LSAMP: variants seen among roughly 807,000 people sequenced by gnomAD.
The protein encoded by LSAMP is limbic system associated membrane protein.
In LSAMP, 7 loss-of-function variants were observed where a neutral mutation model predicts 38.6. The observed-to-expected ratio is 0.18, with a 90% confidence interval of 0.10 to 0.34. The LOEUF is 0.34. LSAMP is among the 10% of genes least tolerant of loss of function. The probability of loss-of-function intolerance (pLI) is 1.00; values close to 1 mark genes in which losing one functional copy is unlikely to be tolerated. For synonymous variants in LSAMP, 154 were observed against 166.8 expected (o/e 0.92, Z 0.59); for missense variants, 313 against 420.0 (o/e 0.75, Z 2.23).
intron 1 of LSAMP, among the ~76,000 whole-genome samples, chr3:116,199,694 C>T (rs939977958): frequency 6.6e-6 from 1 of 152,064 alleles, no homozygotes; most frequent in Non-Finnish European, 1.5e-5. Flanking sequence ...TGTTAGAGAG[C>T]AGTCAAGTAG....
intron 3 of LSAMP, among the ~76,000 whole-genome samples, chr3:115,958,012 C>G (rs1938505336): frequency 6.6e-6 from 1 of 152,066 alleles, no homozygotes; most frequent in African/African-American, 2.4e-5. Context: ...CCACTCTTGT[C>G]AGGAATGTAG....
At chr3:116,045,716 A>G (rs1941275983) in intron 2 of LSAMP, among the ~76,000 whole-genome samples, 1 of 152,182 alleles carries the variant, frequency 6.6e-6, no homozygotes, top group Non-Finnish European at 1.5e-5. Context: ...TAATGATTAT[A>G]TGCCTATCAT....
chr3:116,051,198 A>C (rs1252321723), intron 2 of LSAMP: 1 of 152,200 alleles, frequency 6.6e-6, no homozygotes, highest in Non-Finnish European at 1.5e-5. Flanking sequence ...CCGGCCCAGG[A>C]GCAGCAAGGT....
At chr3:116,104,127 A>G (rs1708410061) in intron 1 of LSAMP, among the ~76,000 whole-genome samples, 1 of 152,150 alleles carries the variant, frequency 6.6e-6, no homozygotes, top group Admixed American at 6.5e-5. Flanking sequence ...CCCACCCAGA[A>G]CTCAGTATGA....
chr3:116,367,362 C>T (rs1434402733), intron 1 of LSAMP, among the ~76,000 whole-genome samples: 2 of 152,110 alleles, frequency 1.3e-5, no homozygotes, highest in Non-Finnish European at 2.9e-5. Context: ...ATAAATCCCA[C>T]TTGAATCACA....
At chr3:115,854,437 T>G (rs1038174396) in intron 3 of LSAMP, among the ~76,000 whole-genome samples, 1 of 151,300 alleles carries the variant, frequency 6.6e-6, no homozygotes, top group Non-Finnish European at 1.5e-5. Flanking sequence ...CGCCCGCCAC[T>G]GCGCCCGGCT....
At chr3:115,960,052 C>G (rs1368668220) in intron 3 of LSAMP, among the ~76,000 whole-genome samples, 1 of 152,072 alleles carries the variant, frequency 6.6e-6, no homozygotes, top group East Asian at 1.9e-4. Flanking sequence ...AGATTTGTGT[C>G]CCTTACTCTT....
At chr3:116,356,966 T>G (rs533624359) in intron 1 of LSAMP, among the ~76,000 whole-genome samples, 1 of 152,250 alleles carries the variant, frequency 6.6e-6, no homozygotes, top group East Asian at 1.9e-4. Context: ...GCTAATTTTT[T>G]GTATTTTTAG....
At chr3:116,269,076 T>C (rs891630733) in intron 1 of LSAMP, among the ~76,000 whole-genome samples, 2 of 152,024 alleles carry the variant, frequency 1.3e-5, no homozygotes, top group Non-Finnish European at 2.9e-5. Flanking sequence ...AGTCCACCCA[T>C]TCCTTTTTCA....
chr3:115,812,672 A>G (rs1026876917), intron 6 of LSAMP, among the ~76,000 whole-genome samples: 1 of 152,220 alleles, frequency 6.6e-6, no homozygotes, highest in Non-Finnish European at 1.5e-5. Flanking sequence ...GAGAAAAACT[A>G]CACAAAAATT....
chr3:116,006,291 G>T (rs1940158342), intron 3 of LSAMP, among the ~76,000 whole-genome samples: 1 of 152,082 alleles, frequency 6.6e-6, no homozygotes, highest in Non-Finnish European at 1.5e-5. Context: ...GTCATGGGAG[G>T]ATCTAGGAAA....
chr3:116,237,020 GAAAT>G (rs1165392626), intron 1 of LSAMP, among the ~76,000 whole-genome samples: 9 of 151,442 alleles, frequency 5.9e-5, no homozygotes, highest in African/African-American at 1.9e-4. Context: ...CATAATGTTT[GAAAT>G]AAATCATTTC....
At chr3:116,440,672 A>C (rs2049421110) in intron 1 of LSAMP, among the ~76,000 whole-genome samples, 1 of 152,236 alleles carries the variant, frequency 6.6e-6, no homozygotes, top group South Asian at 2.1e-4. Context: ...AATATGCCAT[A>C]TTCCTAGATG....
chr3:116,434,696 C>A (rs551028991), intron 1 of LSAMP, among the ~76,000 whole-genome samples: 1 of 152,058 alleles, frequency 6.6e-6, no homozygotes, highest in East Asian at 1.9e-4. Context: ...GGGCTACAGG[C>A]GTGCACCACC....
chr3:116,211,539 C>G (rs542271846), intron 1 of LSAMP, among the ~76,000 whole-genome samples: 28 of 152,246 alleles, frequency 1.8e-4, no homozygotes, highest in African/African-American at 6.3e-4. Flanking sequence ...TGGGTTTGTA[C>G]TCTGTAAATA....
chr3:116,071,114 G>T (rs1317303416), intron 2 of LSAMP, among the ~76,000 whole-genome samples: 1 of 150,008 alleles, frequency 6.7e-6, no homozygotes, highest in Non-Finnish European at 1.5e-5. Flanking sequence ...CCTACATGAG[G>T]TGTAATAACT....
chr3:116,390,276 C>T (rs992502532), intron 1 of LSAMP, among the ~76,000 whole-genome samples: 8 of 152,014 alleles, frequency 5.3e-5, no homozygotes, highest in African/African-American at 1.7e-4. Context: ...ACACTGTAAG[C>T]AGTGGGATAT....
At chr3:115,998,793 A>G (rs758783789) in intron 3 of LSAMP, among the ~76,000 whole-genome samples, 5 of 152,064 alleles carry the variant, frequency 3.3e-5, no homozygotes, top group Non-Finnish European at 5.9e-5. Flanking sequence ...TCAGAACTGG[A>G]ACCCAGTTCT....
At chr3:116,173,075 A>T (rs1033307181) in intron 1 of LSAMP, among the ~76,000 whole-genome samples, 27 of 152,094 alleles carry the variant, frequency 1.8e-4, no homozygotes, top group Non-Finnish European at 4.4e-5. Context: ...GAATGTTATG[A>T]TAACTAAAAG....
Sources: allele counts gnomAD v4.1 joint callset (sites outside exome capture counted in the v4.1 genomes callset), GRCh38; gene constraint gnomAD v4.1.1; transcripts MANE v1.5; gene names NCBI Gene and HGNC (gene_info 2026-07-23, HGNC 2026-07-21).